PRDM6: variants seen among roughly 807,000 people sequenced by gnomAD.
PRDM6 encodes the protein putative histone-lysine N-methyltransferase PRDM6.
A neutral mutation model predicts 60.8 loss-of-function variants in PRDM6; 25 were observed. The ratio of observed to expected loss-of-function variants is 0.41; its 90% CI spans 0.30 to 0.57. PRDM6 has a LOEUF of 0.57. Among genes scored for constraint, PRDM6 ranks in the 20% least tolerant of loss-of-function variants. The probability of loss-of-function intolerance (pLI) is 0.27; values close to 1 mark genes in which losing one functional copy is unlikely to be tolerated. For missense variants in PRDM6, 839 were observed against 821.3 expected, an observed-to-expected ratio of 1.02 and a Z score of -0.26; for synonymous variants, 407 against 357.4, an observed-to-expected ratio of 1.14 and a Z score of -1.57.
intron 3 of PRDM6, among the ~76,000 whole-genome samples, chr5:123,134,785 T>C (rs1359149139): frequency 6.6e-6 from 1 of 152,162 alleles, no homozygotes; most frequent in Non-Finnish European, 1.5e-5. Flanking sequence ...ATTCTTTGAG[T>C]ACATTTAAAT....
At position 123,110,339 on chromosome 5, in the gene PRDM6, A is replaced by G. The variant is rs142633522; in HGVS notation, c.900+10378A>G. ...AGTGGCACAATCCCGGCTCACTGCAACGTCCACCTCCCAGGTTCAAATGAT... is the reference window on the plus strand; with the variant it reads ...AGTGGCACAATCCCGGCTCACTGCAGCGTCCACCTCCCAGGTTCAAATGAT... On this transcript the variant is annotated intron_variant, in intron 3 of 7. Coordinates refer to ENST00000407847, the MANE Select transcript of PRDM6 (RefSeq NM_001136239.4). Among the ~76,000 whole-genome samples, 607 of 148,162 alleles carry G rather than the reference A, an allele frequency of 4.1e-3. 3 individuals are homozygous for G. Among genetic ancestry groups the G allele is most frequent in the African/African-American group, 0.014 (580 of 40,056 alleles).
At chr5:123,140,882 A>G (rs1290273779) in intron 3 of PRDM6, among the ~76,000 whole-genome samples, 3 of 152,126 alleles carry the variant, frequency 2.0e-5, no homozygotes. Flanking sequence ...AATTATAGGT[A>G]TTATTATTTT....
chr5:123,099,168 G>C lies in PRDM6; in HGVS notation c.593-486G>C, dbSNP rs1024163454. Among the ~76,000 whole-genome samples, 1 of 152,218 alleles carries C rather than the reference G, an allele frequency of 6.6e-6. No individual in the cohort carries two copies. Among genetic ancestry groups the C allele is most frequent in the Non-Finnish European group, 1.5e-5 (1 of 68,026 alleles). ...AGTATAGAATCTCTTCGAGACAGCA[G>C]ATTGGGCAAGAGACGGGCTTTTTTT... On this transcript the variant is annotated intron_variant, in intron 2 of 7. Transcript: ENST00000407847. This position sits in a 1 kb window ranked among gnomAD's most constrained non-coding sequence, Gnocchi z 4.0.
intron 4 of PRDM6, among the ~76,000 whole-genome samples, chr5:123,158,939 C>G (rs1050651436): frequency 6.6e-6 from 1 of 152,032 alleles, no homozygotes; most frequent in African/African-American, 2.4e-5. Flanking sequence ...GTAAAGTGCT[C>G]CTCTTGTATT....
In PRDM6 at chr5:123,187,635, T is replaced by C. The variant is rs1019200928; in HGVS notation, c.*434T>C. The C allele has an allele frequency of 1.2e-5, 2 of 167,010 alleles. No individual in the cohort carries two copies. The highest frequency in any genetic ancestry group is 4.8e-5 in the African/African-American group (2 of 41,712). 10.3% of individuals were successfully genotyped at this position (167,010 alleles called of 1,614,324 possible). A position where few individuals can be genotyped will look rare whatever the true frequency, so the allele number is the denominator to read the frequency against. On this transcript the variant is annotated 3_prime_UTR_variant, in exon 8 of 8. Transcript: ENST00000407847. ...TCATGGGGACCCACTGTACAGCCCT[T>C]CATTCTGCTGTGTCAGTTTGGCCTG...
Position 123,159,602 on chromosome 5 carries a change from G to A in PRDM6, c.1117G>A (p.Gly373Arg). The part of the protein sequence containing the change: ...WYNDSYTSFF[G>R]IPLQCIAQDE... Reference sequence around the variant, plus strand: ...CAATGACAGCTATACGTCTTTCTTTGGGATCCCCTTACAATGCATTGCCCA... The same window carrying A: ...CAATGACAGCTATACGTCTTTCTTTAGGATCCCCTTACAATGCATTGCCCA... The change falls in exon 5 of 8, where the codon GGG becomes AGG. Residue 373 changes from glycine (G) to arginine (R), a missense_variant. Coordinates refer to ENST00000407847, the MANE Select transcript of PRDM6 (RefSeq NM_001136239.4). The A allele has an allele frequency of 1.3e-6, 2 of 1,551,516 alleles. No homozygotes were observed. The highest frequency in any genetic ancestry group is 1.7e-6 in the Non-Finnish European group (2 of 1,146,774).
At chr5:123,133,067 T>C (rs1208871132) in intron 3 of PRDM6, among the ~76,000 whole-genome samples, 1 of 152,122 alleles carries the variant, frequency 6.6e-6, no homozygotes, top group Non-Finnish European at 1.5e-5. Context: ...GGCACCTTGA[T>C]ATTGATAACA....
intron 6 of PRDM6, among the ~76,000 whole-genome samples, chr5:123,174,355 G>C (rs1377298092): frequency 6.6e-6 from 1 of 152,194 alleles, no homozygotes; most frequent in African/African-American, 2.4e-5. Flanking sequence ...CAGTGAAAAG[G>C]CTGGATAGTT....
chr5:123,126,957 G>A (rs1764706922), intron 3 of PRDM6, among the ~76,000 whole-genome samples: 1 of 152,012 alleles, frequency 6.6e-6, no homozygotes, highest in Admixed American at 6.5e-5. Context: ...TTGTTGCCCT[G>A]GTGCAAATGA....
intron 3 of PRDM6, among the ~76,000 whole-genome samples, chr5:123,137,737 A>G (rs412584): frequency 0.72 from 110,054 of 151,920 alleles, 40,023 homozygotes; most frequent in Non-Finnish European, 0.75. Flanking sequence ...GTGTATACCT[A>G]TGTAACAGAC....
intron 3 of PRDM6, among the ~76,000 whole-genome samples, chr5:123,135,625 C>T (rs936338741): frequency 5.3e-5 from 8 of 152,126 alleles, no homozygotes; most frequent in African/African-American, 1.9e-4. Flanking sequence ...TAGCCTAGAG[C>T]CCTCTAAGCC....
In PRDM6 at chr5:123,090,431, C is replaced by G. The variant is rs972461333; in HGVS notation, c.417C>G (p.Leu139=). The part of the protein sequence containing the change: ...AEPLPPKELC[L]GATSGPGPVK... ...CGCTGCCCCCCAAGGAACTGTGCCT[C>G]GGCGCCACCTCCGGCCCCGGGCCCG... The change falls in exon 2 of 8, where the codon CTC becomes CTG. Residue 139 remains leucine (L), a synonymous_variant. Transcript: ENST00000407847. 1 of 1,452,822 alleles carries G rather than the reference C, an allele frequency of 6.9e-7. No individual in the cohort carries two copies. The highest frequency in any genetic ancestry group is 9.0e-7 in the Non-Finnish European group (1 of 1,112,166). 90.0% of individuals were successfully genotyped at this position (1,452,822 alleles called of 1,614,324 possible).
intron 5 of PRDM6, among the ~76,000 whole-genome samples, chr5:123,166,962 C>T (rs979829388): frequency 6.6e-6 from 1 of 152,190 alleles, no homozygotes; most frequent in African/African-American, 2.4e-5. Context: ...AATAACCCAT[C>T]TCTGCACCTT....
intron 3 of PRDM6, among the ~76,000 whole-genome samples, chr5:123,114,234 C>T (rs1314674958): frequency 6.6e-6 from 1 of 152,162 alleles, no homozygotes; most frequent in African/African-American, 2.4e-5. Flanking sequence ...CTTTCCAAGC[C>T]CAGGTCTGCT....
At chr5:123,161,012 G>A (rs1765618278) in intron 5 of PRDM6, among the ~76,000 whole-genome samples, 1 of 152,202 alleles carries the variant, frequency 6.6e-6, no homozygotes, top group Non-Finnish European at 1.5e-5. Context: ...ACAGAAAGGT[G>A]TCAGCATCAG....
chr5:123,176,332 G>A (rs1038170533), intron 6 of PRDM6, among the ~76,000 whole-genome samples: 5 of 136,678 alleles, frequency 3.7e-5, no homozygotes, highest in African/African-American at 5.1e-5. Flanking sequence ...CTGTCCTTTT[G>A]TGAGGCATAC....
chr5:123,175,265 C>T (rs1765979085), intron 6 of PRDM6, among the ~76,000 whole-genome samples: 1 of 152,080 alleles, frequency 6.6e-6, no homozygotes, highest in Non-Finnish European at 1.5e-5. Flanking sequence ...CTTTTCCTTT[C>T]TCCTTTTTGA....
At position 123,192,407 on chromosome 5, in the gene PRDM6, C is replaced by T. The variant is rs1766450460; in HGVS notation, c.*5206C>T. 1 of 152,008 alleles carries T rather than the reference C, an allele frequency of 6.6e-6. No homozygotes were observed. Among genetic ancestry groups the T allele is most frequent in the East Asian group, 1.9e-4 (1 of 5,192 alleles). The allele number at this position is 152,008 out of a possible 1,614,324, so 9.4% of individuals were successfully genotyped here. A position where few individuals can be genotyped will look rare whatever the true frequency, so the allele number is the denominator to read the frequency against. ...TAAAGCTTTTTTTTGAGAACAAGAG[C>T]TTTTAAAAATTAATAAACACAAGTA... On this transcript the variant is annotated 3_prime_UTR_variant, in exon 8 of 8. Coordinates refer to ENST00000407847, the MANE Select transcript of PRDM6 (RefSeq NM_001136239.4).
rs140410644 is a variant in PRDM6, at chr5:123,188,381, A to G, written c.*1180A>G. 5 of 152,338 alleles carry G rather than the reference A, an allele frequency of 3.3e-5. No homozygotes were observed. Among genetic ancestry groups the G allele is most frequent in the African/African-American group, 9.6e-5 (4 of 41,584 alleles). The allele number at this position is 152,338 out of a possible 1,614,324, so 9.4% of individuals were successfully genotyped here. A position where few individuals can be genotyped will look rare whatever the true frequency, so the allele number is the denominator to read the frequency against. On this transcript the variant is annotated 3_prime_UTR_variant, in exon 8 of 8. Coordinates refer to ENST00000407847, the MANE Select transcript of PRDM6 (RefSeq NM_001136239.4). ...TCTTGAGATTGATTAATTGAAAGAG[A>G]AGGAATTCTCCACACAATTTCACTA...
Sources: gnomAD v4.1 joint callset for allele counts (sites outside exome capture counted in the v4.1 genomes callset) on GRCh38, gnomAD v4.1.1 for gene constraint, Gnocchi (gnomAD v3.1) non-coding constraint, MANE v1.5 for transcripts, NCBI Gene and HGNC (gene_info 2026-07-23, HGNC 2026-07-21) for gene names.